The following ZNF704 variants were observed in gnomAD, a reference collection of about 807,000 sequenced individuals.
The protein encoded by ZNF704 is zinc finger protein 704, also known as glucocorticoid induced gene 1.
A neutral mutation model predicts 44.7 loss-of-function variants in ZNF704; 10 were observed. The observed-to-expected ratio is 0.22, with a 90% confidence interval of 0.14 to 0.38. The LOEUF is 0.38. Ranked by LOEUF, ZNF704 falls within the 10% of genes least tolerant of loss-of-function variation. The probability of loss-of-function intolerance (pLI) is 1.00; values close to 1 mark genes in which losing one functional copy is unlikely to be tolerated. For synonymous variants in ZNF704, 211 were observed against 207.6 expected (o/e 1.02, Z -0.14); for missense variants, 390 against 545.5 (o/e 0.71, Z 2.84).
At chr8:80,883,738 C>G in the ZNF704 span, among the ~76,000 whole-genome samples, 3 of 152,274 alleles carry the variant, frequency 2.0e-5, no homozygotes, top group African/African-American at 4.8e-5. Flanking sequence ...TCTCATCTAT[C>G]TACCTAATTT....
intron 1 of ZNF704, among the ~76,000 whole-genome samples, chr8:80,829,776 A>G (rs1369349093): frequency 7.2e-5 from 11 of 152,220 alleles, no homozygotes; most frequent in Admixed American, 7.2e-4. Context: ...AAGTAAAAAA[A>G]TTAATCTCTC....
intron 1 of ZNF704, among the ~76,000 whole-genome samples, chr8:80,829,029 C>A (rs1808425404): frequency 6.6e-6 from 1 of 152,120 alleles, no homozygotes; most frequent in Non-Finnish European, 1.5e-5. Context: ...AGATTGTCAC[C>A]CACTTTGGTT....
At chr8:80,648,702 A>G (rs1817869521) in intron 7 of ZNF704, among the ~76,000 whole-genome samples, 1 of 152,218 alleles carries the variant, frequency 6.6e-6, no homozygotes, top group African/African-American at 2.4e-5. Context: ...AGCCTGCTAT[A>G]TAAGCTAAGT....
intron 1 of ZNF704, among the ~76,000 whole-genome samples, chr8:80,843,760 T>C (rs1808719013): frequency 6.6e-6 from 1 of 152,182 alleles, no homozygotes; most frequent in Admixed American, 6.5e-5. Flanking sequence ...ATTGTAAAGC[T>C]TGAATATTTA....
chr8:80,825,398 C>G (rs1312461753), intron 1 of ZNF704, among the ~76,000 whole-genome samples: 1 of 152,126 alleles, frequency 6.6e-6, no homozygotes, highest in Non-Finnish European at 1.5e-5. Context: ...TTTATATACC[C>G]AATACAGGAG....
intron 1 of ZNF704, among the ~76,000 whole-genome samples, chr8:80,838,259 A>C (rs2129952947): frequency 6.6e-6 from 1 of 152,330 alleles, no homozygotes; most frequent in East Asian, 1.9e-4. Flanking sequence ...TCTCTGACTA[A>C]ACCACACATT....
chr8:80,741,651 G>T (rs1054258847), intron 2 of ZNF704, among the ~76,000 whole-genome samples: 40 of 152,216 alleles, frequency 2.6e-4, no homozygotes, highest in African/African-American at 9.2e-4. Flanking sequence ...CTGCGCACTT[G>T]TGCAACTCTT....
intron 1 of ZNF704, among the ~76,000 whole-genome samples, chr8:80,865,755 C>G (rs1809144726): frequency 6.6e-6 from 1 of 152,138 alleles, no homozygotes; most frequent in Admixed American, 6.5e-5. Flanking sequence ...CTCCATGGAG[C>G]AGTGCCCAGG....
At chr8:80,849,508 C>T (rs970612310) in intron 1 of ZNF704, among the ~76,000 whole-genome samples, 3 of 152,200 alleles carry the variant, frequency 2.0e-5, no homozygotes, top group African/African-American at 7.2e-5. Flanking sequence ...TTCCCACAGA[C>T]TCTAGATTTA....
chr8:80,840,516 C>G (rs1808660588), intron 1 of ZNF704, among the ~76,000 whole-genome samples: 1 of 152,128 alleles, frequency 6.6e-6, no homozygotes, highest in African/African-American at 2.4e-5. Context: ...GTTCCAGTTA[C>G]TAAGCCCTTA....
intron 2 of ZNF704, among the ~76,000 whole-genome samples, chr8:80,799,749 G>A (rs1189303637): frequency 6.6e-6 from 1 of 152,116 alleles, no homozygotes; most frequent in African/African-American, 2.4e-5. Flanking sequence ...AAGCCAGACT[G>A]CCTTTTCTCC....
intron 1 of ZNF704, among the ~76,000 whole-genome samples, chr8:80,842,508 T>C (rs537139816): frequency 6.6e-6 from 1 of 151,984 alleles, no homozygotes; most frequent in African/African-American, 2.4e-5. Flanking sequence ...AAAGAAGTAA[T>C]ATTGGGAGAG....
At chr8:80,710,587 G>A (rs1252398616) in intron 2 of ZNF704, among the ~76,000 whole-genome samples, 1 of 152,116 alleles carries the variant, frequency 6.6e-6, no homozygotes, top group Non-Finnish European at 1.5e-5. Flanking sequence ...GTTTCGATGA[G>A]GTCATGAAGG....
chr8:80,828,565 G>A (rs1808418211), intron 1 of ZNF704, among the ~76,000 whole-genome samples: 1 of 152,148 alleles, frequency 6.6e-6, no homozygotes, highest in South Asian at 2.1e-4. Context: ...CATCTGTGAA[G>A]TCAGTAAATC....
At chr8:80,694,469 G>A (rs1818693387) in intron 2 of ZNF704, among the ~76,000 whole-genome samples, 1 of 152,178 alleles carries the variant, frequency 6.6e-6, no homozygotes, top group African/African-American at 2.4e-5. Flanking sequence ...TCAAATTAGA[G>A]AACAGTTGAA....
chr8:80,711,587 T>C (rs1384931192), intron 2 of ZNF704, among the ~76,000 whole-genome samples: 3 of 152,192 alleles, frequency 2.0e-5, no homozygotes, highest in Non-Finnish European at 4.4e-5. Context: ...TCAAAATATA[T>C]AACCTGTCTT....
intron 2 of ZNF704, among the ~76,000 whole-genome samples, chr8:80,773,724 T>C (rs1379787596): frequency 6.6e-6 from 1 of 152,222 alleles, no homozygotes; most frequent in African/African-American, 2.4e-5. Context: ...AGTTCTTTTC[T>C]TTCAGCACAT....
At chr8:80,866,499 T>C (rs532693416) in intron 1 of ZNF704, among the ~76,000 whole-genome samples, 1 of 152,224 alleles carries the variant, frequency 6.6e-6, no homozygotes, top group Admixed American at 6.5e-5. Flanking sequence ...ATGAGGGTCT[T>C]GAAGTATTCA....
At chr8:80,774,755 C>T (rs1480828869) in intron 2 of ZNF704, among the ~76,000 whole-genome samples, 1 of 152,092 alleles carries the variant, frequency 6.6e-6, no homozygotes, top group African/African-American at 2.4e-5. Flanking sequence ...CTGTGGTGTT[C>T]GGCTAGAGGA....
Sources: allele counts gnomAD v4.1 joint callset (sites outside exome capture counted in the v4.1 genomes callset), GRCh38; gene constraint gnomAD v4.1.1; transcripts MANE v1.5; gene names NCBI Gene and HGNC (gene_info 2026-07-23, HGNC 2026-07-21).